PRKCA: variants seen among roughly 807,000 people sequenced by gnomAD.
PRKCA encodes protein kinase C alpha.
Under a neutral mutation model 87.0 loss-of-function variants are expected in PRKCA, and 27 were observed. That is an observed-to-expected ratio of 0.31 (90% confidence interval 0.23 to 0.43). The LOEUF is 0.43. Among genes scored for constraint, PRKCA ranks in the 20% least tolerant of loss-of-function variants. The probability of loss-of-function intolerance (pLI) is 1.00; values close to 1 mark genes in which losing one functional copy is unlikely to be tolerated. For synonymous variants in PRKCA, 329 were observed against 311.1 expected, an observed-to-expected ratio of 1.06 and a Z score of -0.61; for missense variants, 518 against 852.3, an observed-to-expected ratio of 0.61 and a Z score of 4.88.
intron 14 of PRKCA, among the ~76,000 whole-genome samples, chr17:66,781,657 A>C (rs1347131931): frequency 6.6e-6 from 1 of 152,060 alleles, no homozygotes; most frequent in East Asian, 1.9e-4. Context: ...AAATCATAGC[A>C]ACAGAAAGTT....
chr17:66,376,606 G>A (rs1397973239), intron 2 of PRKCA, among the ~76,000 whole-genome samples: 2 of 151,556 alleles, frequency 1.3e-5, no homozygotes, highest in Non-Finnish European at 2.9e-5. Flanking sequence ...GTGACAGAGC[G>A]AGACTCTGTC....
chr17:66,499,410 C>T (rs896507732), intron 3 of PRKCA, among the ~76,000 whole-genome samples: 2 of 152,168 alleles, frequency 1.3e-5, no homozygotes, highest in Non-Finnish European at 2.9e-5. Flanking sequence ...TATGAATTCT[C>T]TACGTTGCTG....
At chr17:66,674,389 C>T (rs1357592095) in intron 5 of PRKCA, among the ~76,000 whole-genome samples, 2 of 152,218 alleles carry the variant, frequency 1.3e-5, no homozygotes, top group African/African-American at 4.8e-5. Flanking sequence ...TTACTCAGTT[C>T]ACGCATGGTG....
At chr17:66,609,093 C>T (rs1970283916) in intron 3 of PRKCA, among the ~76,000 whole-genome samples, 2 of 152,214 alleles carry the variant, frequency 1.3e-5, no homozygotes, top group Admixed American at 6.5e-5. Context: ...ATGGCCTCCT[C>T]AGACTAATCA....
At chr17:66,315,222 T>C (rs1478507373) in intron 2 of PRKCA, among the ~76,000 whole-genome samples, 1 of 152,164 alleles carries the variant, frequency 6.6e-6, no homozygotes, top group African/African-American at 2.4e-5. Context: ...TCTGAAGAGA[T>C]AGGCAGTGTT....
At chr17:66,394,877 G>T (rs1910572670) in intron 2 of PRKCA, among the ~76,000 whole-genome samples, 1 of 152,174 alleles carries the variant, frequency 6.6e-6, no homozygotes, top group African/African-American at 2.4e-5. Context: ...CTTCTGCCAT[G>T]ATTGTAAGTT....
chr17:66,456,209 C>T (rs1156866865), intron 2 of PRKCA, among the ~76,000 whole-genome samples: 1 of 152,170 alleles, frequency 6.6e-6, no homozygotes, highest in African/African-American at 2.4e-5. Flanking sequence ...TGCCTTGATT[C>T]CAGACTTTTG....
intron 3 of PRKCA, among the ~76,000 whole-genome samples, chr17:66,571,567 T>C (rs571609282): frequency 1.8e-3 from 267 of 152,292 alleles, no homozygotes; most frequent in African/African-American, 6.2e-3. Context: ...TACTGTATAC[T>C]TAACTGAAAG....
At chr17:66,407,936 C>G (rs1911515450) in intron 2 of PRKCA, among the ~76,000 whole-genome samples, 1 of 152,142 alleles carries the variant, frequency 6.6e-6, no homozygotes, top group African/African-American at 2.4e-5. Flanking sequence ...AGTTTAAAAT[C>G]ATTGCTTCCA....
intron 3 of PRKCA, among the ~76,000 whole-genome samples, chr17:66,498,084 C>T (rs1011837043): frequency 2.0e-5 from 3 of 152,084 alleles, no homozygotes; most frequent in Non-Finnish European, 4.4e-5. Context: ...GAGTGACTTG[C>T]CTGCATACAA....
At chr17:66,620,834 G>A (rs1338961682) in intron 3 of PRKCA, among the ~76,000 whole-genome samples, 1 of 152,134 alleles carries the variant, frequency 6.6e-6, no homozygotes, top group Non-Finnish European at 1.5e-5. Flanking sequence ...TTTTTTAAGG[G>A]GAAATAAATC....
In PRKCA at chr17:66,522,579, G is replaced by A. The variant is rs117326281; in HGVS notation, c.288+26296G>A. 8.2e-3 allele frequency among the ~76,000 whole-genome samples: 1,255 copies of A among 152,174 alleles called. 12 individuals are homozygous for A. Among genetic ancestry groups the A allele is most frequent in the Non-Finnish European group, 0.012 (846 of 67,998 alleles). On this transcript the variant is annotated intron_variant, in intron 3 of 16. Coordinates refer to ENST00000413366, the MANE Select transcript of PRKCA (RefSeq NM_002737.3). The stretch of plus-strand genomic sequence containing the variant: ...CGTGTGCTTGTGGAATAAAGAGACC[G>A]AATTCCTTCTGTACTGGGGGTTCAT...
chr17:66,797,724 G>A (rs1975701443), intron 16 of PRKCA, among the ~76,000 whole-genome samples: 1 of 152,158 alleles, frequency 6.6e-6, no homozygotes, highest in South Asian at 2.1e-4. Flanking sequence ...ACTTTCCCTT[G>A]GGTGCCGACA....
rs1360901648 is a variant in PRKCA, at chr17:66,532,651, G to A, written c.288+36368G>A. On this transcript the variant is annotated intron_variant, in intron 3 of 16. Coordinates refer to ENST00000413366, the MANE Select transcript of PRKCA (RefSeq NM_002737.3). ...TAGGATTACAGGTGTGAGCCACTGC[G>A]CCCGGCCCATCCTTGAAGTTTAACT... 3.3e-5 allele frequency among the ~76,000 whole-genome samples: 5 copies of A among 152,022 alleles called. No individual in the cohort carries two copies. In the East Asian group the frequency reaches 5.8e-4, roughly 18 times the overall value.
intron 3 of PRKCA, among the ~76,000 whole-genome samples, chr17:66,632,866 A>G (rs768193514): frequency 9.9e-5 from 15 of 152,174 alleles, no homozygotes; most frequent in Non-Finnish European, 2.2e-4. Flanking sequence ...ATTGCTTCCC[A>G]TTGAATGATT....
intron 5 of PRKCA, among the ~76,000 whole-genome samples, chr17:66,670,443 A>T (rs1162027904): frequency 6.6e-6 from 1 of 152,258 alleles, no homozygotes; most frequent in Admixed American, 6.5e-5. Flanking sequence ...ACAATGCTTC[A>T]TACCCTTGGG....
chr17:66,327,146 A>G (rs1353874634), intron 2 of PRKCA, among the ~76,000 whole-genome samples: 1 of 151,940 alleles, frequency 6.6e-6, no homozygotes, highest in African/African-American at 2.4e-5. Flanking sequence ...AGAGGCGGGC[A>G]GATCATGAGG....
intron 3 of PRKCA, among the ~76,000 whole-genome samples, chr17:66,602,538 T>C (rs1284247606): frequency 6.6e-6 from 1 of 152,160 alleles, no homozygotes; most frequent in African/African-American, 2.4e-5. Context: ...TCTGCGTCGC[T>C]CACGCTGGGA....
chr17:66,341,287 C>T (rs1288343236), intron 2 of PRKCA, among the ~76,000 whole-genome samples: 1 of 152,194 alleles, frequency 6.6e-6, no homozygotes, highest in Non-Finnish European at 1.5e-5. Flanking sequence ...ATTAAGTAAG[C>T]TCTTCAAAAT....
Sources: allele counts gnomAD v4.1 joint callset (sites outside exome capture counted in the v4.1 genomes callset), GRCh38; gene constraint gnomAD v4.1.1; transcripts MANE v1.5; gene names NCBI Gene and HGNC (gene_info 2026-07-23, HGNC 2026-07-21).